The following UPP2 variants were observed in gnomAD, a reference collection of about 807,000 sequenced individuals.
The protein encoded by UPP2 is uridine phosphorylase 2.
In UPP2, 23 loss-of-function variants were observed where a neutral mutation model predicts 26.7. The observed-to-expected ratio is 0.86, with a 90% CI of 0.62 to 1.22. The LOEUF is 1.22. Among genes scored for constraint, UPP2 ranks in the 50% most tolerant of loss-of-function variants. The pLI is 0.00. For synonymous variants in UPP2, 127 were observed against 141.3 expected (o/e 0.90, Z 0.72); for missense variants, 387 against 396.7 (o/e 0.98, Z 0.21).
chr2:158,068,415 C>T (rs188443843), intron 3 of UPP2, among the ~76,000 whole-genome samples: 2 of 152,170 alleles, frequency 1.3e-5, no homozygotes, highest in South Asian at 2.1e-4. Flanking sequence ...TTTATTCCAA[C>T]GATCTTGATT....
chr2:158,019,747 C>G (rs149975226), intron 3 of UPP2, among the ~76,000 whole-genome samples: 96 of 151,746 alleles, frequency 6.3e-4, no homozygotes, highest in African/African-American at 2.3e-3. Flanking sequence ...AAAATGTACA[C>G]TTTATTTTAC....
chr2:158,054,565 G>A (rs1016286509), intron 3 of UPP2, among the ~76,000 whole-genome samples: 1 of 151,966 alleles, frequency 6.6e-6, no homozygotes, highest in South Asian at 2.1e-4. Flanking sequence ...AAAGAGTGAG[G>A]CTGAGAAAAA....
chr2:158,134,667 G>T, intron 6 of UPP2, 81 bp from the exon 7 acceptor site: 1 of 1,434,452 alleles, frequency 7.0e-7, no homozygotes. Context: ...CATGTGCTAG[G>T]GATGCTGGTG....
At chr2:158,125,971 T>C (rs1683685196) in intron 6 of UPP2, among the ~76,000 whole-genome samples, 1 of 152,182 alleles carries the variant, frequency 6.6e-6, no homozygotes. Context: ...ACTTTATTAA[T>C]AGTTAAACAT....
chr2:158,105,636 A>G (rs574091139), intron 1 of UPP2, among the ~76,000 whole-genome samples: 5 of 152,350 alleles, frequency 3.3e-5, no homozygotes, highest in African/African-American at 1.2e-4. Context: ...CAATTAGGAT[A>G]TATATGGTTG....
chr2:158,065,838 T>TGTACTGCTGTTCATTGC, intron 3 of UPP2: 1 of 678,248 alleles, frequency 1.5e-6, no homozygotes, highest in Non-Finnish European at 2.7e-6. Context: ...ACCTCATTGT[T>TGTACTGCTGTTCATTGC]GTACTGCTGT....
chr2:158,047,974 T>G (rs1256439919), intron 3 of UPP2, among the ~76,000 whole-genome samples: 2 of 152,036 alleles, frequency 1.3e-5, no homozygotes, highest in Non-Finnish European at 2.9e-5. Context: ...GAGAAGTATG[T>G]ACAGTGAGCA....
intron 3 of UPP2, among the ~76,000 whole-genome samples, chr2:158,070,411 G>C (rs903265370): frequency 6.6e-6 from 1 of 152,192 alleles, no homozygotes; most frequent in Non-Finnish European, 1.5e-5. Context: ...TTCAAGTAAA[G>C]TGTTAATTAT....
At chr2:158,110,866 T>C (rs1683304967) in intron 2 of UPP2, among the ~76,000 whole-genome samples, 1 of 152,218 alleles carries the variant, frequency 6.6e-6, no homozygotes, top group African/African-American at 2.4e-5. Context: ...GTTGTTTTTT[T>C]CTTGTAAATT....
intron 3 of UPP2, chr2:158,065,728 A>T: frequency 3.0e-6 from 2 of 667,244 alleles, no homozygotes; most frequent in Non-Finnish European, 5.6e-6. Flanking sequence ...CTGGAGAAAG[A>T]AGGTACCCAT....
chr2:158,111,184 T>C (rs1441755013), intron 2 of UPP2, among the ~76,000 whole-genome samples: 1 of 152,324 alleles, frequency 6.6e-6, no homozygotes, highest in South Asian at 2.1e-4. Flanking sequence ...ATAAGTTCTA[T>C]GCATTACTGA....
chr2:158,037,178 G>T (rs1484424128), intron 3 of UPP2, among the ~76,000 whole-genome samples: 1 of 151,898 alleles, frequency 6.6e-6, no homozygotes, highest in Non-Finnish European at 1.5e-5. Context: ...TTTGAGACCA[G>T]TCTGGCCAAC....
chr2:158,018,827 C>T (rs78009085), intron 3 of UPP2, among the ~76,000 whole-genome samples: 4,610 of 152,238 alleles, frequency 0.03, 226 homozygotes, highest in African/African-American at 0.1. Context: ...TTCCTAGGAG[C>T]TCTGTGAAAA....
chr2:158,044,587 A>T (rs1684124965), intron 3 of UPP2, among the ~76,000 whole-genome samples: 1 of 152,202 alleles, frequency 6.6e-6, no homozygotes, highest in African/African-American at 2.4e-5. Context: ...AGATTTAGTG[A>T]CACTCGTGTG....
At chr2:158,060,949 G>A (rs1458363499) in intron 3 of UPP2, among the ~76,000 whole-genome samples, 1 of 152,164 alleles carries the variant, frequency 6.6e-6, no homozygotes, top group African/African-American at 2.4e-5. Context: ...ATTTTAGTAT[G>A]GCAGCCTGGA....
At chr2:158,061,273 T>C (rs897341762) in intron 3 of UPP2, among the ~76,000 whole-genome samples, 4 of 152,190 alleles carry the variant, frequency 2.6e-5, no homozygotes, top group African/African-American at 9.6e-5. Context: ...AGGTTTAGCA[T>C]AAGTCACACA....
intron 2 of UPP2, among the ~76,000 whole-genome samples, chr2:158,010,750 G>A (rs1336226034): frequency 1.4e-5 from 2 of 138,526 alleles, no homozygotes; most frequent in African/African-American, 5.2e-5. Flanking sequence ...AGCATCATTA[G>A]CTCCCTCTTT....
intron 3 of UPP2, among the ~76,000 whole-genome samples, chr2:158,092,917 G>T (rs185526396): frequency 7.6e-4 from 115 of 152,154 alleles, no homozygotes; most frequent in African/African-American, 2.5e-3. Flanking sequence ...GGGAAATGGG[G>T]TCTGCAAAGA....
intron 3 of UPP2, among the ~76,000 whole-genome samples, chr2:158,037,885 A>C (rs560409171): frequency 5.9e-5 from 9 of 152,290 alleles, no homozygotes; most frequent in African/African-American, 1.9e-4. Flanking sequence ...ACAGGGAATG[A>C]GGAAATATCT....
Sources: allele counts gnomAD v4.1 joint callset (sites outside exome capture counted in the v4.1 genomes callset), GRCh38; gene constraint gnomAD v4.1.1; transcripts MANE v1.5; gene names NCBI Gene and HGNC (gene_info 2026-07-23, HGNC 2026-07-21).